CTNND2: variants seen among roughly 807,000 people sequenced by gnomAD.
CTNND2 encodes catenin delta-2.
In CTNND2, 22 loss-of-function variants were observed where a neutral mutation model predicts 144.4. The observed-to-expected ratio is 0.15, with a 90% CI of 0.11 to 0.22. The LOEUF (loss-of-function observed/expected upper bound fraction) is 0.22. Ranked by LOEUF, CTNND2 falls within the 10% of genes least tolerant of loss-of-function variation. CTNND2 has a pLI of 1.00. For synonymous variants in CTNND2, 751 were observed against 695.6 expected, an observed-to-expected ratio of 1.08 and a Z score of -1.25; for missense variants, 1,353 against 1,618.8, an observed-to-expected ratio of 0.84 and a Z score of 2.82.
At chr5:11,238,862 T>C (rs1016553659) in intron 9 of CTNND2, among the ~76,000 whole-genome samples, 1 of 152,240 alleles carries the variant, frequency 6.6e-6, no homozygotes, top group African/African-American at 2.4e-5. Context: ...TTCTTGGCTA[T>C]GTGATCACAG....
chr5:11,091,664 A>G (rs1263460064), intron 15 of CTNND2, among the ~76,000 whole-genome samples: 1 of 152,198 alleles, frequency 6.6e-6, no homozygotes, highest in Non-Finnish European at 1.5e-5. Context: ...GATAGGAAAG[A>G]CTAGAGCATG....
intron 1 of CTNND2, among the ~76,000 whole-genome samples, chr5:11,794,777 C>A (rs1451403150): frequency 6.6e-6 from 1 of 152,104 alleles, no homozygotes; most frequent in Non-Finnish European, 1.5e-5. Flanking sequence ...GCTTAGGATC[C>A]AAGCAGATGG....
rs527420109 is a variant in CTNND2 at position 11,553,261 on chromosome 5, T to C, written c.287+11683A>G. 7.9e-5 allele frequency among the ~76,000 whole-genome samples: 12 copies of C among 152,356 alleles called. No homozygotes were observed. In the South Asian group the frequency reaches 2.5e-3, roughly 32 times the overall value. On this transcript the variant is annotated intron_variant, in intron 3 of 21. Coordinates refer to ENST00000304623, the MANE Select transcript of CTNND2 (RefSeq NM_001332.4). ...GGCCTGCGTGAAAGGGAAATTGATT[T>C]AAGCTTTCTTCCATCTCATCTTGTC...
intron 18 of CTNND2, among the ~76,000 whole-genome samples, chr5:11,010,240 C>T (rs969291747): frequency 6.6e-6 from 1 of 152,166 alleles, no homozygotes; most frequent in African/African-American, 2.4e-5. Context: ...GACAGCTCTA[C>T]ATTTGGTAGT....
At chr5:11,654,171 T>C (rs1287370174) in intron 2 of CTNND2, among the ~76,000 whole-genome samples, 1 of 152,048 alleles carries the variant, frequency 6.6e-6, no homozygotes, top group Non-Finnish European at 1.5e-5. Context: ...AAAAATCAGG[T>C]AGTATGATGC....
chr5:11,408,026 G>C (rs1278650391), intron 5 of CTNND2, among the ~76,000 whole-genome samples: 2 of 152,038 alleles, frequency 1.3e-5, no homozygotes, highest in African/African-American at 4.8e-5. Context: ...GGAGGAAAAA[G>C]AGATTATGAC....
Position 11,800,974 on chromosome 5 carries a change from C to T in CTNND2, c.38-68702G>A, listed in dbSNP as rs144342271. The stretch of plus-strand genomic sequence containing the variant: ...AGAAGGTACATACAGAGTTTCACGA[C>T]TGTTTTTCAAGAGGGTGTTCTTTGC... On this transcript the variant is annotated intron_variant, in intron 1 of 21. Coordinates refer to ENST00000304623, the MANE Select transcript of CTNND2 (RefSeq NM_001332.4). Among the ~76,000 whole-genome samples the T allele has an allele frequency of 5.8e-3, 886 of 152,276 alleles. 6 individuals are homozygous for T. Among genetic ancestry groups the T allele is most frequent in the African/African-American group, 0.02 (813 of 41,552 alleles).
Position 11,382,595 on chromosome 5 carries a change from CTGT to C in CTNND2, c.1177+2067_1177+2069del, listed in dbSNP as rs1285841934. 2.6e-4 allele frequency among the ~76,000 whole-genome samples: 34 copies of C among 130,234 alleles called. 1 individual carries two copies. The East Asian group carries it at 7.0e-3, about 27-fold the overall frequency. 85.4% of individuals were successfully genotyped at this position (130,234 alleles called of 152,430 possible). A position where few individuals can be genotyped will look rare whatever the true frequency, so the allele number is the denominator to read the frequency against. On this transcript the variant is annotated intron_variant, in intron 7 of 21. Coordinates refer to ENST00000304623, the MANE Select transcript of CTNND2 (RefSeq NM_001332.4). ...CCTGGGCAACCGACAGAGTGAGACT[CTGT>C]GTGTGTGTGTGTGTGTGTGTGTGTG...
chr5:11,330,082 G>A (rs936005920), intron 9 of CTNND2, among the ~76,000 whole-genome samples: 4 of 152,114 alleles, frequency 2.6e-5, no homozygotes, highest in African/African-American at 9.7e-5. Context: ...ACATGTGGAT[G>A]TACATAAAGG....
At chr5:11,015,214 A>C (rs1741483205) in intron 18 of CTNND2, among the ~76,000 whole-genome samples, 1 of 152,246 alleles carries the variant, frequency 6.6e-6, no homozygotes, top group African/African-American at 2.4e-5. Flanking sequence ...CCACTGATTA[A>C]AAACAATTCA....
chr5:11,491,398 C>A (rs1376287269), intron 3 of CTNND2, among the ~76,000 whole-genome samples: 1 of 152,174 alleles, frequency 6.6e-6, no homozygotes, highest in Non-Finnish European at 1.5e-5. Context: ...CTCATTCATT[C>A]CTCTCATCCA....
chr5:11,657,363 G>A (rs935384359), intron 2 of CTNND2, among the ~76,000 whole-genome samples: 2 of 152,034 alleles, frequency 1.3e-5, no homozygotes, highest in Non-Finnish European at 2.9e-5. Context: ...AACACGTGAA[G>A]TAATAAAAAA....
chr5:11,506,305 C>A (rs1771028651), intron 3 of CTNND2, among the ~76,000 whole-genome samples: 1 of 152,154 alleles, frequency 6.6e-6, no homozygotes, highest in Non-Finnish European at 1.5e-5. Flanking sequence ...AACTAAGACG[C>A]TTTTTCTTAC....
At chr5:11,587,508 A>G (rs1283822402) in intron 2 of CTNND2, among the ~76,000 whole-genome samples, 2 of 152,070 alleles carry the variant, frequency 1.3e-5, no homozygotes, top group Non-Finnish European at 2.9e-5. Context: ...TTAACATATT[A>G]AAACATGAAA....
At chr5:11,690,935 T>A (rs1193960433) in intron 2 of CTNND2, among the ~76,000 whole-genome samples, 1 of 151,960 alleles carries the variant, frequency 6.6e-6, no homozygotes, top group East Asian at 1.9e-4. Flanking sequence ...ACGTTGAAAA[T>A]GAAAAGTGAA....
intron 7 of CTNND2, among the ~76,000 whole-genome samples, chr5:11,370,863 C>G (rs989270580): frequency 2.6e-5 from 4 of 152,126 alleles, no homozygotes; most frequent in African/African-American, 7.2e-5. Context: ...TGTTTGTGAA[C>G]AGTTCTTTCA....
Position 11,858,860 on chromosome 5 carries a change from C to T in CTNND2, c.37+44957G>A, listed in dbSNP as rs1393156021. Among the ~76,000 whole-genome samples, 8 of 152,194 alleles carry T rather than the reference C, an allele frequency of 5.3e-5. No individual in the cohort carries two copies. The East Asian group carries it at 5.8e-4, about 11-fold the overall frequency. ...AGGAGAATGGCGTGAACCTGGGAGG[C>T]GGAGCTTGCAGTGAGCTGAGATCCC... On this transcript the variant is annotated intron_variant, in intron 1 of 21. Coordinates refer to ENST00000304623, the MANE Select transcript of CTNND2 (RefSeq NM_001332.4).
At position 11,527,388 on chromosome 5, in the gene CTNND2, G is replaced by A. The variant is rs371276707; in HGVS notation, c.287+37556C>T. Among the ~76,000 whole-genome samples, 5 of 152,118 alleles carry A rather than the reference G, an allele frequency of 3.3e-5. 1 individual carries two copies. Among genetic ancestry groups the A allele is most frequent in the East Asian group, 1.9e-4 (1 of 5,182 alleles). On this transcript the variant is annotated intron_variant, in intron 3 of 21. Transcript: ENST00000304623. ...CCCTACTCATGCAAAGATACACTGT[G>A]CCCCACAGTACCTCTTTCAAGTCTC...
At chr5:11,002,791 T>C (rs1740090550) in intron 18 of CTNND2, among the ~76,000 whole-genome samples, 1 of 152,234 alleles carries the variant, frequency 6.6e-6, no homozygotes, top group Non-Finnish European at 1.5e-5. Context: ...TTGATGTTTC[T>C]ATTGATAATT....
Sources: allele counts gnomAD v4.1 joint callset (sites outside exome capture counted in the v4.1 genomes callset), GRCh38; gene constraint gnomAD v4.1.1; transcripts MANE v1.5; gene names NCBI Gene and HGNC (gene_info 2026-07-23, HGNC 2026-07-21).